The following RYR2 variants were observed in gnomAD, a reference collection of about 807,000 sequenced individuals.
RYR2 encodes the protein ryanodine receptor 2.
Under a neutral mutation model 601.1 loss-of-function variants are expected in RYR2, and 227 were observed. That is an observed-to-expected ratio of 0.38 (90% CI 0.34 to 0.42). The LOEUF (loss-of-function observed/expected upper bound fraction) is 0.42, where lower values mean the gene tolerates loss of function less well. Ranked by LOEUF, RYR2 falls within the 10% of genes least tolerant of loss-of-function variation. RYR2 has a pLI of 1.00. For missense variants in RYR2, 4,646 were observed against 6,156.5 expected, an observed-to-expected ratio of 0.75 and a Z score of 8.21; for synonymous variants, 2,223 against 2,175.1, an observed-to-expected ratio of 1.02 and a Z score of -0.61.
Position 237,080,532 on chromosome 1 carries a change from C to T in RYR2, c.48+37963C>T, listed in dbSNP as rs994501049. The stretch of plus-strand genomic sequence containing the variant: ...CAGCCAAAAAACACGTGAAGAAATG[C>T]TCATCATCACTGGCCATCAGAGAAA... On this transcript the variant is annotated intron_variant, in intron 1 of 104. Coordinates refer to ENST00000366574, the MANE Select transcript of RYR2 (RefSeq NM_001035.3). Among the ~76,000 whole-genome samples, 6 of 78,488 alleles carry T rather than the reference C, an allele frequency of 7.6e-5. 1 individual carries two copies. Among genetic ancestry groups the T allele is most frequent in the African/African-American group, 2.4e-4 (6 of 24,596 alleles). 51.5% of individuals were successfully genotyped at this position (78,488 alleles called of 152,430 possible). A position where few individuals can be genotyped will look rare whatever the true frequency, so the allele number is the denominator to read the frequency against.
At chr1:237,127,395 C>A (rs552319962) in intron 1 of RYR2, among the ~76,000 whole-genome samples, 5,990 of 147,544 alleles carry the variant, frequency 0.041, 383 homozygotes, top group African/African-American at 0.14. Flanking sequence ...CCGGACGGGG[C>A]GGCTGGCCGG....
intron 85 of RYR2, 71 bp downstream of exon 85, chr1:237,770,958 G>A (rs1694223770): frequency 2.3e-6 from 2 of 887,382 alleles, no homozygotes; most frequent in East Asian, 5.5e-5. Context: ...AATAACAAGA[G>A]CCTGTTAGTT....
chr1:237,612,444 A>G (rs1284985719), intron 36 of RYR2, among the ~76,000 whole-genome samples: 2 of 152,170 alleles, frequency 1.3e-5, no homozygotes, highest in African/African-American at 2.4e-5. Context: ...CAGTTCAACA[A>G]AGATATTTTA....
At chr1:237,491,439 C>T (rs542692938) in intron 17 of RYR2, among the ~76,000 whole-genome samples, 23 of 152,176 alleles carry the variant, frequency 1.5e-4, no homozygotes, top group Non-Finnish European at 3.4e-4. Context: ...CAAGACTTTA[C>T]TCATGCACAT....
intron 1 of RYR2, among the ~76,000 whole-genome samples, chr1:237,167,843 C>T (rs1055247722): frequency 6.6e-6 from 1 of 151,674 alleles, no homozygotes; most frequent in South Asian, 2.1e-4. Flanking sequence ...CCTCTTGTCC[C>T]GGCTTTCAGA....
At chr1:237,498,245 A>T (rs1664279057) in intron 20 of RYR2, among the ~76,000 whole-genome samples, 1 of 152,112 alleles carries the variant, frequency 6.6e-6, no homozygotes, top group Non-Finnish European at 1.5e-5. Flanking sequence ...TATTTCATCT[A>T]ACCTCTGAGG....
At chr1:237,515,915 C>CCT (rs1666479246) in intron 24 of RYR2, among the ~76,000 whole-genome samples, 2 of 106,054 alleles carry the variant, frequency 1.9e-5, no homozygotes, top group African/African-American at 3.9e-5. Flanking sequence ...TCCCTCTTCT[C>CCT]CCTCTCCCTC....
Position 237,785,969 on chromosome 1 carries a change from GAAC to G in RYR2, c.13263_13265del (p.Gln4422del). On this transcript the variant is annotated inframe_deletion and splice_region_variant, in exon 91 of 105. Transcript: ENST00000366574. ...TCTTTTCCCCATTGACTCATTCAAG[GAAC>G]AGAAGGCAAAAGAAGAAGAAAAGGA... 6.3e-7 allele frequency: 1 copy of G among 1,589,498 alleles called. No homozygotes were observed. Among genetic ancestry groups the G allele is most frequent in the Non-Finnish European group, 8.6e-7 (1 of 1,166,122 alleles).
In RYR2 at chr1:237,786,009, A is replaced by C. The variant is rs771286329; in HGVS notation, c.13301A>C (p.Glu4434Ala). The C allele has an allele frequency of 2.5e-6, 4 of 1,591,638 alleles. No homozygotes were observed. The highest frequency in any genetic ancestry group is 4.5e-5 in the East Asian group (2 of 44,284). ...GAAGAAGAAAAGGAAGAAAAAGAAG[A>C]AACCAAATCTGAACCTGAAAAAGCC... is the stretch of plus-strand genomic sequence containing the variant. ...AKEEEKEEKEETKSEPEKAEG... is the reference protein window; with the variant it reads ...AKEEEKEEKEATKSEPEKAEG... The change falls in exon 91 of 105, where the codon GAA becomes GCA. Residue 4434 changes from glutamate (E) to alanine (A), a missense_variant. This residue lies in a region of RYR2 where 364 missense variants were observed against 442.9 expected (regional missense o/e 0.82). Transcript: ENST00000366574.
rs150984455 is a variant in RYR2 at position 237,675,520 on chromosome 1, A to T, written c.8830+674A>T. ...GAGCACCTTCCAGCCACTGCGTAGT[A>T]ATACGATGTAAGGAATTCCAGTTTG... On this transcript the variant is annotated intron_variant, in intron 60 of 104. Transcript: ENST00000366574. Among the ~76,000 whole-genome samples the T allele has an allele frequency of 4.1e-3, 626 of 152,302 alleles. 2 individuals carry two copies. Among genetic ancestry groups the T allele is most frequent in the African/African-American group, 0.014 (596 of 41,576 alleles).
At chr1:237,503,641 T>C (rs796518574) in intron 22 of RYR2, 136 bp downstream of exon 22, 5 of 730,788 alleles carry the variant, frequency 6.8e-6, no homozygotes, top group African/African-American at 3.5e-5. Context: ...AGGACTGAAA[T>C]GAGTCTCATA....
chr1:237,116,862 C>T (rs1299926293), intron 1 of RYR2, among the ~76,000 whole-genome samples: 5 of 152,090 alleles, frequency 3.3e-5, no homozygotes, highest in Admixed American at 6.6e-5. Flanking sequence ...TGGCTGATGC[C>T]CACCCACATT....
chr1:237,246,573 A>G (rs868572293), intron 1 of RYR2, among the ~76,000 whole-genome samples: 1 of 152,104 alleles, frequency 6.6e-6, no homozygotes. Flanking sequence ...AGTAGCTAGG[A>G]CTACAGGCAT....
intron 23 of RYR2, among the ~76,000 whole-genome samples, chr1:237,507,076 A>C (rs1403822688): frequency 2.0e-5 from 3 of 152,250 alleles, no homozygotes. Flanking sequence ...GCTGAAAGTT[A>C]TATTTTCAAA....
chr1:237,247,215 C>T (rs940347199), intron 1 of RYR2, among the ~76,000 whole-genome samples: 4 of 152,130 alleles, frequency 2.6e-5, no homozygotes, highest in African/African-American at 7.2e-5. Context: ...GAAAAGCTCT[C>T]GACACTGTGA....
chr1:237,457,564 A>G (rs1658985494), intron 16 of RYR2, among the ~76,000 whole-genome samples: 1 of 152,230 alleles, frequency 6.6e-6, no homozygotes, highest in African/African-American at 2.4e-5. Flanking sequence ...TCAAAGGACA[A>G]TGTGAAGGGG....
chr1:237,495,297 A>G (rs117051088), intron 19 of RYR2, among the ~76,000 whole-genome samples: 5 of 152,138 alleles, frequency 3.3e-5, no homozygotes, highest in Non-Finnish European at 5.9e-5. Context: ...TGGATGCTCA[A>G]ATTTTCTCTC....
intron 10 of RYR2, among the ~76,000 whole-genome samples, chr1:237,407,719 C>T (rs889089874): frequency 2.0e-5 from 3 of 150,732 alleles, no homozygotes; most frequent in Non-Finnish European, 4.4e-5. Context: ...TGGGTTCACG[C>T]CATTCTCCTG....
intron 16 of RYR2, among the ~76,000 whole-genome samples, chr1:237,461,670 T>A (rs1022846989): frequency 6.6e-6 from 1 of 151,868 alleles, no homozygotes. Flanking sequence ...AACATATATC[T>A]CTAATGCCAG....
Sources: gnomAD v4.1 joint callset for allele counts (sites outside exome capture counted in the v4.1 genomes callset) on GRCh38, gnomAD v4.1.1 for gene constraint, gnomAD v4.1.1 regional missense constraint, MANE v1.5 for transcripts, NCBI Gene and HGNC (gene_info 2026-07-23, HGNC 2026-07-21) for gene names.